The following IL12RB2 variants were observed in gnomAD, a reference collection of about 807,000 sequenced individuals.
IL12RB2 encodes the protein interleukin-12 receptor subunit beta-2.
A neutral mutation model predicts 89.4 loss-of-function variants in IL12RB2; 82 were observed. That is an observed-to-expected ratio of 0.92 (90% CI 0.77 to 1.10). The LOEUF is 1.10. Among genes scored for constraint, IL12RB2 ranks in the 50% least tolerant of loss-of-function variants. The probability of loss-of-function intolerance (pLI) is 0.00; values close to 1 mark genes in which losing one functional copy is unlikely to be tolerated. For synonymous variants in IL12RB2, 368 were observed against 370.1 expected (o/e 0.99, Z 0.07); for missense variants, 963 against 1,031.9 (o/e 0.93, Z 0.92).
intron 8 of IL12RB2, among the ~76,000 whole-genome samples, chr1:67,332,703 A>G (rs1658255736): frequency 6.6e-6 from 1 of 152,174 alleles, no homozygotes; most frequent in Non-Finnish European, 1.5e-5. Flanking sequence ...TTGTTTATAT[A>G]TGTGGTACAG....
chr1:67,355,319 C>T (rs1041986416), intron 10 of IL12RB2, among the ~76,000 whole-genome samples: 6 of 150,236 alleles, frequency 4.0e-5, no homozygotes, highest in South Asian at 2.1e-4. Context: ...GAGGCTGAGG[C>T]AGGAGAATCG....
In IL12RB2 at chr1:67,330,680, A is replaced by G. The variant is rs140411546; in HGVS notation, c.828A>G (p.Lys276=). 6.4e-6 allele frequency: 10 copies of G among 1,551,868 alleles called. No homozygotes were observed. In the African/African-American group the frequency reaches 9.5e-5, roughly 15 times the overall value. ...LWNMVNVTKA[K]GRHDLLDLKP... is the part of the protein sequence containing the mutation. ...TCAAGGTTAATGTTACAAAGGCCAA[A>G]GGAAGACATGATTTGCTGGATCTGA... Residue 276 remains lysine (K), a synonymous_variant, in exon 8 of 17, where the codon AAA becomes AAG. Coordinates refer to ENST00000674203, the MANE Select transcript of IL12RB2 (RefSeq NM_001374259.2).
At chr1:67,348,013 G>A (rs948759653) in intron 9 of IL12RB2, among the ~76,000 whole-genome samples, 4 of 152,098 alleles carry the variant, frequency 2.6e-5, no homozygotes, top group Admixed American at 6.6e-5. Flanking sequence ...AAAACTCCTG[G>A]CTCATGGTAT....
Position 67,379,369 on chromosome 1 carries a change from G to T in IL12RB2, c.1718-617G>T, listed in dbSNP as rs565626426. On this transcript the variant is annotated intron_variant, in intron 13 of 16. Coordinates refer to ENST00000674203, the MANE Select transcript of IL12RB2 (RefSeq NM_001374259.2). ...TACTAAAAATACAAAAATTAGCTGG[G>T]CATGGTGGCACATACCTGTAGTCCC... 3.3e-5 allele frequency among the ~76,000 whole-genome samples: 5 copies of T among 150,860 alleles called. No homozygotes were observed. The East Asian group carries it at 9.7e-4, about 29-fold the overall frequency.
At chr1:67,323,270 T>G (rs893529769) in intron 4 of IL12RB2, among the ~76,000 whole-genome samples, 2 of 152,248 alleles carry the variant, frequency 1.3e-5, no homozygotes, top group African/African-American at 4.8e-5. Flanking sequence ...AGTACTCACC[T>G]TCCAGCTCAG....
intron 10 of IL12RB2, among the ~76,000 whole-genome samples, chr1:67,357,444 T>C (rs994353103): frequency 6.6e-6 from 1 of 152,216 alleles, no homozygotes; most frequent in African/African-American, 2.4e-5. Context: ...AGAAAATGAT[T>C]TCAGTATTGT....
Position 67,390,125 on chromosome 1 carries a change from A to G in IL12RB2, c.2043A>G (p.Ala681=), listed in dbSNP as rs745419660. ...NSTCAKKYPI[A]EEKTQLPLDR... ...CTTGCGCTAAGAAATATCCCATTGCAGAGGTAAGGTACAATTCCTCTGTGG... is the reference window on the plus strand; with the variant it reads ...CTTGCGCTAAGAAATATCCCATTGCGGAGGTAAGGTACAATTCCTCTGTGG... Residue 681 remains alanine, a synonymous_variant, in exon 16 of 17, where the codon GCA becomes GCG. Transcript: ENST00000674203. 4.5e-6 allele frequency: 5 copies of G among 1,101,692 alleles called. No individual in the cohort carries two copies. Among genetic ancestry groups the G allele is most frequent in the Non-Finnish European group, 7.0e-6 (5 of 711,170 alleles). The allele number at this position is 1,101,692 out of a possible 1,614,324, so 68.2% of individuals were successfully genotyped here. A position where few individuals can be genotyped will look rare whatever the true frequency, so the allele number is the denominator to read the frequency against.
chr1:67,319,546 A>G (rs894198447), intron 2 of IL12RB2, among the ~76,000 whole-genome samples: 1 of 152,220 alleles, frequency 6.6e-6, no homozygotes, highest in African/African-American at 2.4e-5. Context: ...TGATTCCAGA[A>G]TCACTTGACT....
chr1:67,331,176 T>G (rs1331747031), intron 8 of IL12RB2, among the ~76,000 whole-genome samples: 1 of 152,220 alleles, frequency 6.6e-6, no homozygotes, highest in Non-Finnish European at 1.5e-5. Context: ...ATATTTTTGA[T>G]TCTATGAAAA....
At chr1:67,360,533 G>A (rs929294289) in intron 10 of IL12RB2, among the ~76,000 whole-genome samples, 5 of 151,722 alleles carry the variant, frequency 3.3e-5, no homozygotes, top group South Asian at 2.1e-4. Context: ...AGTGGTTCAC[G>A]CCTTGTAATT....
At position 67,331,623 on chromosome 1, in the gene IL12RB2, AG is replaced by A. The variant is rs1658083432; in HGVS notation, c.958+815del. 5.3e-5 allele frequency among the ~76,000 whole-genome samples: 8 copies of A among 152,196 alleles called. 1 individual carries two copies. The South Asian group carries it at 1.7e-3, about 32-fold the overall frequency. On this transcript the variant is annotated intron_variant, in intron 8 of 16. Coordinates refer to ENST00000674203, the MANE Select transcript of IL12RB2 (RefSeq NM_001374259.2). ...GGGAGGCTGAGGTGGGCAGATCACG[AG>A]GTCAGGAGTTCGAGACCAGCCTGGC...
chr1:67,350,283 C>T (rs1252768468), intron 9 of IL12RB2, among the ~76,000 whole-genome samples: 1 of 152,238 alleles, frequency 6.6e-6, no homozygotes, highest in African/African-American at 2.4e-5. Flanking sequence ...GGAATTTTTG[C>T]AGTTCCAAAA....
intron 10 of IL12RB2, among the ~76,000 whole-genome samples, chr1:67,352,543 G>A (rs1184863334): frequency 2.6e-5 from 4 of 152,168 alleles, no homozygotes; most frequent in Non-Finnish European, 5.9e-5. Context: ...GCATTCATCA[G>A]CCCACTGGTC....
In IL12RB2 at chr1:67,376,703, C is replaced by CGTGTGTGTGT. The variant is rs59880609; in HGVS notation, c.1718-3278_1718-3269dup. ...TATTTTTGTTCTCCTAATATGTGTGCGTGTGTGTGTGTGTATGTGTGTTTG... is the reference window on the plus strand; with the variant it reads ...TATTTTTGTTCTCCTAATATGTGTGCGTGTGTGTGTGTGTGTGTGTGTGTATGTGTGTTTG... On this transcript the variant is annotated intron_variant, in intron 13 of 16. Coordinates refer to ENST00000674203, the MANE Select transcript of IL12RB2 (RefSeq NM_001374259.2). Among the ~76,000 whole-genome samples, 8 of 150,906 alleles carry CGTGTGTGTGT rather than the reference C, an allele frequency of 5.3e-5. No homozygotes were observed. In the South Asian group the frequency reaches 1.7e-3, roughly 32 times the overall value.
At chr1:67,319,592 T>C (rs1021395360) in intron 2 of IL12RB2, among the ~76,000 whole-genome samples, 8 of 152,274 alleles carry the variant, frequency 5.3e-5, no homozygotes, top group Non-Finnish European at 1.2e-4. Flanking sequence ...CTACTCTGTA[T>C]GGTATGATGA....
At chr1:67,343,694 C>G (rs1225322995) in intron 9 of IL12RB2, among the ~76,000 whole-genome samples, 2 of 152,038 alleles carry the variant, frequency 1.3e-5, no homozygotes, top group Admixed American at 6.6e-5. Flanking sequence ...CAGCATGTAT[C>G]TTTTAAGAAG....
At chr1:67,324,030 G>C (rs1436382167) in intron 4 of IL12RB2, among the ~76,000 whole-genome samples, 9 of 152,014 alleles carry the variant, frequency 5.9e-5, no homozygotes, top group Non-Finnish European at 1.5e-5. Context: ...TAAACAAATG[G>C]AAAAACAAGA....
intron 2 of IL12RB2, among the ~76,000 whole-genome samples, chr1:67,317,129 A>G (rs1655878925): frequency 6.6e-6 from 1 of 152,232 alleles, no homozygotes; most frequent in African/African-American, 2.4e-5. Context: ...TGAAGGGAAG[A>G]CACAGAGGCA....
At chr1:67,326,470 C>A (rs552435604) in intron 4 of IL12RB2, among the ~76,000 whole-genome samples, 2 of 152,246 alleles carry the variant, frequency 1.3e-5, no homozygotes, top group Non-Finnish European at 1.5e-5. Context: ...TCATGGGGTG[C>A]TACGCTGTCT....
Sources: gnomAD v4.1 joint callset for allele counts (sites outside exome capture counted in the v4.1 genomes callset) on GRCh38, gnomAD v4.1.1 for gene constraint, MANE v1.5 for transcripts, NCBI Gene and HGNC (gene_info 2026-07-23, HGNC 2026-07-21) for gene names.